Variants in TXNRD3 observed in about 807,000 individuals in gnomAD.
TXNRD3 encodes the protein TXNRD3 neighbor gene protein.
TXNRD3 carries 68 observed loss-of-function variants against 78.2 expected under a neutral mutation model. The ratio of observed to expected loss-of-function variants is 0.87; its 90% CI spans 0.72 to 1.06. The LOEUF is 1.06. TXNRD3 is among the 50% of genes least tolerant of loss of function. The pLI is 0.00. For synonymous variants in TXNRD3, 296 were observed against 300.1 expected, an observed-to-expected ratio of 0.99 and a Z score of 0.14; for missense variants, 751 against 809.5, an observed-to-expected ratio of 0.93 and a Z score of 0.88.
intron 5 of TXNRD3, 99 bp downstream of exon 5, chr3:126,643,882 G>C: frequency 1.7e-6 from 2 of 1,178,306 alleles, no homozygotes; most frequent in Non-Finnish European, 2.3e-6. Flanking sequence ...AAACAGGCGA[G>C]TTATACCTCT....
At chr3:126,645,706 A>C (rs979224815) in intron 3 of TXNRD3, among the ~76,000 whole-genome samples, 1 of 152,158 alleles carries the variant, frequency 6.6e-6, no homozygotes, top group Non-Finnish European at 1.5e-5. Context: ...GCACTCTAGG[A>C]ATCAAAAAAT....
rs555296219 is a variant in TXNRD3, at chr3:126,619,325, T to C, written c.1524+2417A>G. The stretch of plus-strand genomic sequence containing the variant: ...ACTCAACCTAAGCATCCATAATGCA[T>C]GAATGGATAAAGAAAACGTAGTATA... On this transcript the variant is annotated intron_variant, in intron 12 of 15. Coordinates refer to ENST00000524230, the MANE Select transcript of TXNRD3 (RefSeq NM_052883.3). Among the ~76,000 whole-genome samples the C allele has an allele frequency of 3.4e-4, 52 of 152,282 alleles. 1 individual carries two copies. In the South Asian group the frequency reaches 0.01, roughly 30 times the overall value.
intron 13 of TXNRD3, among the ~76,000 whole-genome samples, chr3:126,612,482 GT>G (rs1049631133): frequency 2.0e-5 from 3 of 151,902 alleles, no homozygotes; most frequent in Non-Finnish European, 4.4e-5. Flanking sequence ...TTTGTTTTTT[GT>G]TTGTTTGTTT....
chr3:126,644,257 T>A, intron 4 of TXNRD3, 40 bp downstream of exon 4: 1 of 1,490,730 alleles, frequency 6.7e-7, no homozygotes, highest in Non-Finnish European at 9.0e-7. Flanking sequence ...ATGGCAGTCA[T>A]CAGGAAAATT....
At chr3:126,612,855 C>T (rs1938229966) in intron 13 of TXNRD3, among the ~76,000 whole-genome samples, 1 of 152,196 alleles carries the variant, frequency 6.6e-6, no homozygotes, top group Non-Finnish European at 1.5e-5. Flanking sequence ...ATTCCAGCAC[C>T]CTTTAATGGA....
intron 11 of TXNRD3, among the ~76,000 whole-genome samples, chr3:126,622,111 C>T (rs1465954973): frequency 1.3e-5 from 2 of 152,168 alleles, no homozygotes; most frequent in Non-Finnish European, 2.9e-5. Context: ...ACAGGCATTT[C>T]CTGGATGCCA....
rs1938087776 is a variant in TXNRD3 at position 126,607,911 on chromosome 3, T to G, written c.1926A>C (p.Sec642Cys). The G allele has an allele frequency of 6.6e-7, 1 of 1,515,914 alleles. No individual in the cohort carries two copies. The highest frequency in any genetic ancestry group is 1.2e-5 in the South Asian group (1 of 82,264). 93.9% of individuals were successfully genotyped at this position (1,515,914 alleles called of 1,614,324 possible). The change falls in exon 16 of 16, where the codon TGA becomes TGC. Residue 642 changes from selenocysteine (U) to cysteine (C), a missense_variant. Transcript: ENST00000524230. ...GAACTAAACAGCAGCAGGCCTAGCC[T>G]CAGCAGCCTTTCTGAGTGATGTCTA...
chr3:126,631,055 C>G (rs185797783), intron 8 of TXNRD3, 118 bp from the exon 9 acceptor site: 4 of 1,028,222 alleles, frequency 3.9e-6, no homozygotes, highest in Middle Eastern at 3.2e-4. Flanking sequence ...TTGAATGAAG[C>G]AACAGCCTTT....
chr3:126,637,032 C>T (rs752367569), intron 6 of TXNRD3, among the ~76,000 whole-genome samples: 2 of 151,986 alleles, frequency 1.3e-5, no homozygotes, highest in African/African-American at 4.8e-5. Context: ...TTGGACACCC[C>T]TGGTTTAAAT....
At position 126,631,807 on chromosome 3, in the gene TXNRD3, G is replaced by A. The variant is rs1331492244; in HGVS notation, c.928C>T (p.Arg310Trp). The A allele has an allele frequency of 6.5e-6, 10 of 1,535,446 alleles. No individual in the cohort carries two copies. The highest frequency in any genetic ancestry group is 5.9e-5 in the Admixed American group (3 of 50,962). The change falls in exon 8 of 16, where the codon CGG becomes TGG. Residue 310 changes from arginine to tryptophan, a missense_variant. Coordinates refer to ENST00000524230, the MANE Select transcript of TXNRD3 (RefSeq NM_052883.3). Reference sequence around the variant, plus strand: ...TTATCTCCTTGGATTCCTAAATACCGTGGCCTTTCACCCGTTGCTATGACA... The same window carrying A: ...TTATCTCCTTGGATTCCTAAATACCATGGCCTTTCACCCGTTGCTATGACA...
intron 5 of TXNRD3, among the ~76,000 whole-genome samples, chr3:126,642,491 T>C (rs566679758): frequency 6.6e-6 from 1 of 152,332 alleles, no homozygotes; most frequent in South Asian, 2.1e-4. Flanking sequence ...CCCTGTACTC[T>C]CCATAACTCT....
chr3:126,609,258 A>G (rs9856833), intron 14 of TXNRD3: 196,555 of 323,650 alleles, frequency 0.61, 60,638 homozygotes, highest in Non-Finnish European at 0.66. Context: ...CAGTAAAAGC[A>G]TACAATAGAT....
At chr3:126,621,151 C>G (rs1386539575) in intron 12 of TXNRD3, among the ~76,000 whole-genome samples, 1 of 152,294 alleles carries the variant, frequency 6.6e-6, no homozygotes, top group East Asian at 1.9e-4. Context: ...AAGCTCATCC[C>G]AAATTATTTG....
chr3:126,642,168 G>A lies in TXNRD3; in HGVS notation c.593-17C>T. ...CACCAAGACCTGAGGAAGAAAATAA[G>A]TTTTAATGCTTCTTTGTGTGTCTAG... On this transcript the variant is annotated splice_polypyrimidine_tract_variant and intron_variant, in intron 5 of 15. Coordinates refer to ENST00000524230, the MANE Select transcript of TXNRD3 (RefSeq NM_052883.3). 1 of 1,525,624 alleles carries A rather than the reference G, an allele frequency of 6.6e-7. No individual in the cohort carries two copies. Among genetic ancestry groups the A allele is most frequent in the Non-Finnish European group, 8.7e-7 (1 of 1,143,534 alleles). The allele number at this position is 1,525,624 out of a possible 1,614,324, so 94.5% of individuals were successfully genotyped here.
Position 126,621,928 on chromosome 3 carries a change from A to G in TXNRD3, c.1368-30T>C, listed in dbSNP as rs1938466934. On this transcript the variant is annotated intron_variant, in intron 11 of 15. Coordinates refer to ENST00000524230, the MANE Select transcript of TXNRD3 (RefSeq NM_052883.3). ...TAGTTTTTGAAATGGGAAAAAATAT[A>G]TATTACAACTCACTCTACACTGCTG... 7 of 1,473,058 alleles carry G rather than the reference A, an allele frequency of 4.8e-6. No homozygotes were observed. In the East Asian group the frequency reaches 1.7e-4, roughly 37 times the overall value. 91.2% of individuals were successfully genotyped at this position (1,473,058 alleles called of 1,614,324 possible).
At chr3:126,634,103 G>A in intron 6 of TXNRD3, 52 bp from the exon 7 acceptor site, 1 of 1,388,650 alleles carries the variant, frequency 7.2e-7, no homozygotes, top group Non-Finnish European at 9.4e-7. Context: ...ACCTTTAATG[G>A]TAAATTACAT....
chr3:126,619,702 A>C (rs1938402230), intron 12 of TXNRD3, among the ~76,000 whole-genome samples: 1 of 152,236 alleles, frequency 6.6e-6, no homozygotes. Context: ...CAAAAAGCTA[A>C]AAGAGGATAT....
rs762009021 is a variant in TXNRD3 at position 126,611,074 on chromosome 3, GTGT to G, written c.1688_1690del (p.Asn563del). Reference sequence around the variant, plus strand: ...ATTGCAGATTATCTTTGCATAACAAGTGTTGTTCTCTCTGCCAGCTACTGTCCA... The same window carrying G: ...ATTGCAGATTATCTTTGCATAACAAGTGTTCTCTCTGCCAGCTACTGTCCA... On this transcript the variant is annotated inframe_deletion, in exon 14 of 16. Coordinates refer to ENST00000524230, the MANE Select transcript of TXNRD3 (RefSeq NM_052883.3). 51 of 1,527,514 alleles carry G rather than the reference GTGT, an allele frequency of 3.3e-5. No homozygotes were observed. The South Asian group carries it at 4.2e-4, about 13-fold the overall frequency. 94.6% of individuals were successfully genotyped at this position (1,527,514 alleles called of 1,614,324 possible). A position where few individuals can be genotyped will look rare whatever the true frequency, so the allele number is the denominator to read the frequency against.
chr3:126,631,988 G>T, intron 7 of TXNRD3, 109 bp from the exon 8 acceptor site: 1 of 686,474 alleles, frequency 1.5e-6, no homozygotes, highest in Non-Finnish European at 2.5e-6. Context: ...AGCAACAGCA[G>T]ACATGTGAAA....
Sources: allele counts gnomAD v4.1 joint callset (sites outside exome capture counted in the v4.1 genomes callset), GRCh38; gene constraint gnomAD v4.1.1; transcripts MANE v1.5; gene names NCBI Gene and HGNC (gene_info 2026-07-23, HGNC 2026-07-21).